The following MAPK10 variants were observed in gnomAD, a reference collection of about 807,000 sequenced individuals.
MAPK10 encodes the protein JNK3 alpha protein kinase.
Under a neutral mutation model 59.3 loss-of-function variants are expected in MAPK10, and 25 were observed. The observed-to-expected ratio is 0.42, with a 90% CI of 0.31 to 0.59. The LOEUF (loss-of-function observed/expected upper bound fraction) is 0.59, where lower values mean the gene tolerates loss of function less well. MAPK10 is among the 20% of genes least tolerant of loss of function. The probability of loss-of-function intolerance (pLI) is 0.15; values close to 1 mark genes in which losing one functional copy is unlikely to be tolerated. For missense variants in MAPK10, 351 were observed against 568.9 expected, an observed-to-expected ratio of 0.62 and a Z score of 3.90; for synonymous variants, 190 against 200.5, an observed-to-expected ratio of 0.95 and a Z score of 0.44.
intron 1 of MAPK10, among the ~76,000 whole-genome samples, chr4:86,445,137 T>C (rs761326451): frequency 3.3e-5 from 5 of 152,138 alleles, no homozygotes; most frequent in Non-Finnish European, 7.4e-5. Context: ...CATTGCAGCA[T>C]TATTCACAAT....
At chr4:86,100,861 T>G (rs2055225457) in intron 8 of MAPK10, 191 bp downstream of exon 8, 1 of 511,842 alleles carries the variant, frequency 2.0e-6, no homozygotes, top group African/African-American at 1.9e-5. Flanking sequence ...CAAAACTGAC[T>G]TCTCAATAAC....
At chr4:86,124,945 T>A (rs1460808100) in intron 4 of MAPK10, 2 of 152,018 alleles carry the variant, frequency 1.3e-5, no homozygotes, top group African/African-American at 4.8e-5. Context: ...TATGAAGTTA[T>A]TTCTTGGATA....
At chr4:86,408,204 T>C (rs1226030709) in intron 1 of MAPK10, among the ~76,000 whole-genome samples, 11 of 152,254 alleles carry the variant, frequency 7.2e-5, no homozygotes, top group Admixed American at 7.2e-4. Context: ...TCCAGCTTCA[T>C]CCATGTCCCT....
intron 1 of MAPK10, among the ~76,000 whole-genome samples, chr4:86,371,415 T>TAATA (rs1322840894): frequency 6.6e-6 from 1 of 151,874 alleles, no homozygotes; most frequent in Non-Finnish European, 1.5e-5. Flanking sequence ...GTAGGTAGAG[T>TAATA]TATTGTCCTT....
intron 1 of MAPK10, among the ~76,000 whole-genome samples, chr4:86,522,778 G>A (rs1165271636): frequency 6.6e-6 from 1 of 152,144 alleles, no homozygotes; most frequent in African/African-American, 2.4e-5. Context: ...GGACTTATTT[G>A]ATTCATGCAC....
chr4:86,413,362 C>T (rs1469689172), intron 1 of MAPK10, among the ~76,000 whole-genome samples: 2 of 152,206 alleles, frequency 1.3e-5, no homozygotes, highest in African/African-American at 4.8e-5. Flanking sequence ...TACACAGGGG[C>T]CAGGGACCCG....
chr4:86,101,509 C>A (rs561624342), intron 7 of MAPK10: 5 of 386,952 alleles, frequency 1.3e-5, no homozygotes, highest in Admixed American at 3.9e-5. Context: ...CTCCTTAGGA[C>A]AACATAAATC....
At chr4:86,387,311 G>A (rs190655829) in intron 1 of MAPK10, among the ~76,000 whole-genome samples, 13 of 152,224 alleles carry the variant, frequency 8.5e-5, no homozygotes, top group African/African-American at 2.6e-4. Flanking sequence ...ATCATTGCCT[G>A]ATTTAATTTT....
chr4:86,236,402 C>T lies in MAPK10; in HGVS notation c.-6-41995G>A, dbSNP rs992123255. 3.9e-5 allele frequency among the ~76,000 whole-genome samples: 6 copies of T among 152,096 alleles called. No homozygotes were observed. In the South Asian group the frequency reaches 1.2e-3, roughly 32 times the overall value. On this transcript the variant is annotated intron_variant, in intron 2 of 13. Transcript: ENST00000641462. Reference sequence around the variant, plus strand: ...AGATGTTAGCTAACTGGACAAGAGACAAATGATATGACTGGAAGAAGGAAT... The same window carrying T: ...AGATGTTAGCTAACTGGACAAGAGATAAATGATATGACTGGAAGAAGGAAT...
At chr4:86,358,251 C>T in intron 1 of MAPK10, 1 of 985,354 alleles carries the variant, frequency 1.0e-6, no homozygotes, top group Non-Finnish European at 1.2e-6. Flanking sequence ...AGAAATGGTC[C>T]TTACTGCAAC....
intron 2 of MAPK10, among the ~76,000 whole-genome samples, chr4:86,325,320 A>T (rs2095998326): frequency 6.6e-6 from 1 of 152,226 alleles, no homozygotes; most frequent in Non-Finnish European, 1.5e-5. Flanking sequence ...TTCACAAAAC[A>T]ATCCTATAAG....
In MAPK10 at chr4:86,540,441, A is replaced by T. The variant is rs569435565; in HGVS notation, c.-263+53469T>A. Among the ~76,000 whole-genome samples, 17 of 152,204 alleles carry T rather than the reference A, an allele frequency of 1.1e-4. No individual in the cohort carries two copies. In the East Asian group the frequency reaches 3.3e-3, roughly 30 times the overall value. On this transcript the variant is annotated intron_variant, in intron 1 of 4. Coordinates refer to the MAPK10 transcript ENST00000502302. ...CTTGAGCCCAGGAGGCGGAGGTTGC[A>T]GTGAGCCGGGATCACATCACTTCAC...
intron 1 of MAPK10, among the ~76,000 whole-genome samples, chr4:86,535,393 CTTAA>C (rs1274578132): frequency 6.6e-6 from 1 of 152,198 alleles, no homozygotes; most frequent in African/African-American, 2.4e-5. Context: ...TAACAATACA[CTTAA>C]TTAATCCAAG....
intron 4 of MAPK10, among the ~76,000 whole-genome samples, chr4:86,157,381 A>C (rs764479152): frequency 4.5e-4 from 69 of 151,908 alleles, no homozygotes; most frequent in Non-Finnish European, 1.5e-4. Flanking sequence ...CTGTTTTGTA[A>C]TTTTTTCCTC....
chr4:86,118,217 G>A (rs768557409), intron 4 of MAPK10, among the ~76,000 whole-genome samples: 20 of 152,080 alleles, frequency 1.3e-4, no homozygotes, highest in Non-Finnish European at 2.5e-4. Context: ...TCATTGATGC[G>A]GTACAGTCAC....
chr4:86,453,564 A>ACCCCCCCCCCCCCCCCCCCCCCCCCCC (rs1201843113), upstream of MAPK10: 2 of 97,478 alleles, frequency 2.1e-5, no homozygotes, highest in Admixed American at 1.1e-4. Context: ...TGGGAACCTC[A>ACCCCCCCCCCCCCCCCCCCCCCCCCCC]CCCCCACCCC....
chr4:86,266,264 T>C (rs1478917306), intron 2 of MAPK10, among the ~76,000 whole-genome samples: 3 of 152,018 alleles, frequency 2.0e-5, no homozygotes, highest in Non-Finnish European at 2.9e-5. Flanking sequence ...ACAGTAAGAT[T>C]TGGTTTTTCT....
intron 13 of MAPK10, among the ~76,000 whole-genome samples, chr4:86,021,102 G>T (rs1198037920): frequency 2.0e-5 from 3 of 152,184 alleles, no homozygotes; most frequent in East Asian, 3.9e-4. Context: ...TCAACACAAA[G>T]GTTCTCCAAG....
chr4:86,133,137 A>G (rs2061315256), intron 4 of MAPK10, among the ~76,000 whole-genome samples: 1 of 152,208 alleles, frequency 6.6e-6, no homozygotes, highest in Non-Finnish European at 1.5e-5. Context: ...CCAAACTATC[A>G]ATAACAAAAG....
Sources: allele counts gnomAD v4.1 joint callset (sites outside exome capture counted in the v4.1 genomes callset), GRCh38; gene constraint gnomAD v4.1.1; transcripts MANE v1.5; gene names NCBI Gene and HGNC (gene_info 2026-07-23, HGNC 2026-07-21).